RRAS2: variants seen among roughly 807,000 people sequenced by gnomAD.
RRAS2 encodes the protein RAS related 2.
In RRAS2, 7 loss-of-function variants were observed where a neutral mutation model predicts 27.6. The ratio of observed to expected loss-of-function variants is 0.25; its 90% CI spans 0.14 to 0.48. RRAS2 has a LOEUF of 0.48. Among genes scored for constraint, RRAS2 ranks in the 20% least tolerant of loss-of-function variants. The pLI, the probability that RRAS2 is intolerant of heterozygous loss-of-function variation, is 0.99. For missense variants in RRAS2, 178 were observed against 256.2 expected, an observed-to-expected ratio of 0.69 and a Z score of 2.08; for synonymous variants, 86 against 90.9, an observed-to-expected ratio of 0.95 and a Z score of 0.31.
chr11:14,337,891 C>G (rs530641842), intron 1 of RRAS2, among the ~76,000 whole-genome samples: 1 of 152,114 alleles, frequency 6.6e-6, no homozygotes, highest in South Asian at 2.1e-4. Context: ...AAGGGCCACC[C>G]TAAAAGAATG....
intron 1 of RRAS2, among the ~76,000 whole-genome samples, chr11:14,341,092 C>A (rs921215387): frequency 6.6e-6 from 1 of 152,144 alleles, no homozygotes; most frequent in African/African-American, 2.4e-5. Context: ...AAAAGAGTGG[C>A]AGCACATTTT....
At chr11:14,344,759 A>T (rs1157434363) in intron 1 of RRAS2, among the ~76,000 whole-genome samples, 1 of 152,202 alleles carries the variant, frequency 6.6e-6, no homozygotes, top group Non-Finnish European at 1.5e-5. Context: ...TTAAGAAAGG[A>T]CTATCTTCTC....
intron 1 of RRAS2, among the ~76,000 whole-genome samples, chr11:14,341,477 A>G (rs1243313949): frequency 2.0e-5 from 3 of 152,204 alleles, no homozygotes; most frequent in African/African-American, 7.2e-5. Flanking sequence ...AGTAATTCTT[A>G]AAGCAAATCA....
intron 1 of RRAS2, among the ~76,000 whole-genome samples, chr11:14,320,908 T>C (rs1243417397): frequency 2.0e-5 from 3 of 152,186 alleles, no homozygotes; most frequent in Non-Finnish European, 2.9e-5. Flanking sequence ...TGGCTGGGCA[T>C]AGTGGCTCAC....
chr11:14,358,682 CGCGGCGGCCGCCCCGCCACAGGTA>C lies in RRAS2; in HGVS notation c.108+57_108+80del. 1 of 1,034,112 alleles carries C rather than the reference CGCGGCGGCCGCCCCGCCACAGGTA, an allele frequency of 9.7e-7. No homozygotes were observed. The highest frequency in any genetic ancestry group is 1.7e-5 in the African/African-American group (1 of 58,012). 64.1% of individuals were successfully genotyped at this position (1,034,112 alleles called of 1,614,324 possible). The stretch of plus-strand genomic sequence containing the variant: ...CCGCGAGGCGCCTCTGGGGCGAGGT[CGCGGCGGCCGCCCCGCCACAGGTA>C]GCGCCAGCCCCCGCCCGCCGCCGCT... On this transcript the variant is annotated intron_variant, in intron 1 of 5. Coordinates refer to ENST00000256196, the MANE Select transcript of RRAS2 (RefSeq NM_012250.6). The surrounding 1 kb of genome is among the most constrained non-coding windows in gnomAD (Gnocchi z 5.1).
intron 1 of RRAS2, among the ~76,000 whole-genome samples, chr11:14,323,938 T>C (rs782453731): frequency 3.4e-5 from 5 of 148,968 alleles, no homozygotes; most frequent in Non-Finnish European, 7.4e-5. Flanking sequence ...AAAAACACTA[T>C]AAGAGATATG....
At chr11:14,326,401 TAAAA>T (rs1253877664) in intron 1 of RRAS2, among the ~76,000 whole-genome samples, 3 of 152,224 alleles carry the variant, frequency 2.0e-5, no homozygotes, top group African/African-American at 7.2e-5. Context: ...TTATTTTAAA[TAAAA>T]AGTTATCACA....
At chr11:14,304,064 G>T (rs1554947757) in intron 1 of RRAS2, among the ~76,000 whole-genome samples, 1 of 152,150 alleles carries the variant, frequency 6.6e-6, no homozygotes, top group Non-Finnish European at 1.5e-5. Context: ...CCAGCAGCCT[G>T]AGGAAACACT....
At chr11:14,326,497 A>G (rs949767325) in intron 1 of RRAS2, among the ~76,000 whole-genome samples, 15 of 152,244 alleles carry the variant, frequency 9.9e-5, no homozygotes, top group Non-Finnish European at 1.9e-4. Flanking sequence ...AAGTTTTAGA[A>G]AAGATTGTAA....
chr11:14,327,581 ACC>A (rs1162709719), intron 1 of RRAS2, among the ~76,000 whole-genome samples: 4 of 152,048 alleles, frequency 2.6e-5, no homozygotes, highest in African/African-American at 9.7e-5. Context: ...ATCTTTCTCT[ACC>A]CCCCTTTCTC....
intron 1 of RRAS2, among the ~76,000 whole-genome samples, chr11:14,334,212 A>G (rs1324012386): frequency 4.6e-5 from 7 of 152,212 alleles, no homozygotes; most frequent in Non-Finnish European, 8.8e-5. Flanking sequence ...CCATAACTTT[A>G]CCTATAACAG....
intron 1 of RRAS2, among the ~76,000 whole-genome samples, chr11:14,321,991 T>G (rs1350980502): frequency 6.6e-6 from 1 of 152,166 alleles, no homozygotes; most frequent in African/African-American, 2.4e-5. Flanking sequence ...AATAAATCTA[T>G]TGACTATATA....
At chr11:14,348,960 C>T (rs1848893230) in intron 1 of RRAS2, among the ~76,000 whole-genome samples, 1 of 152,032 alleles carries the variant, frequency 6.6e-6, no homozygotes, top group East Asian at 1.9e-4. Context: ...TATCTACATA[C>T]TTCTTTTTTT....
At chr11:14,291,597 C>T (rs1012569053) in intron 4 of RRAS2, among the ~76,000 whole-genome samples, 6 of 151,994 alleles carry the variant, frequency 3.9e-5, no homozygotes, top group African/African-American at 9.7e-5. Flanking sequence ...GCTAACACTA[C>T]GTATCTTTAG....
intron 1 of RRAS2, among the ~76,000 whole-genome samples, chr11:14,356,979 G>A (rs918870397): frequency 1.3e-5 from 2 of 151,682 alleles, no homozygotes; most frequent in Admixed American, 1.3e-4. Flanking sequence ...GTAGAGACGG[G>A]GTTTCACTAT....
intron 1 of RRAS2, among the ~76,000 whole-genome samples, chr11:14,354,679 T>TTC (rs2134042592): frequency 6.8e-6 from 1 of 146,426 alleles, no homozygotes; most frequent in East Asian, 2.0e-4. Flanking sequence ...TTTCTTTTTT[T>TTC]TTTTTTTTTT....
chr11:14,325,570 A>G (rs1195896114), intron 1 of RRAS2, among the ~76,000 whole-genome samples: 1 of 152,172 alleles, frequency 6.6e-6, no homozygotes, highest in Non-Finnish European at 1.5e-5. Flanking sequence ...AAGTGCTGGG[A>G]TTACAGGCGT....
At chr11:14,302,570 A>C (rs1416527418) in intron 1 of RRAS2, among the ~76,000 whole-genome samples, 1 of 152,230 alleles carries the variant, frequency 6.6e-6, no homozygotes, top group East Asian at 1.9e-4. Flanking sequence ...TCCAATGCCC[A>C]CTTCAGATGT....
Position 14,359,022 on chromosome 11 carries a change from GC to G in RRAS2, c.-153del. ...GGAGGCGTCTGGAGGGCCGGTCAGC[GC>G]GGTAGCGCGGCGCTGGGGACTGGCT... On this transcript the variant is annotated 5_prime_UTR_variant, in exon 1 of 6. Coordinates refer to ENST00000256196, the MANE Select transcript of RRAS2 (RefSeq NM_012250.6). The G allele has an allele frequency of 8.9e-7, 1 of 1,129,770 alleles. No homozygotes were observed. Among genetic ancestry groups the G allele is most frequent in the Non-Finnish European group, 1.1e-6 (1 of 923,386 alleles). 70.0% of individuals were successfully genotyped at this position (1,129,770 alleles called of 1,614,324 possible).
Sources: gnomAD v4.1 joint callset for allele counts (sites outside exome capture counted in the v4.1 genomes callset) on GRCh38, gnomAD v4.1.1 for gene constraint, Gnocchi (gnomAD v3.1) non-coding constraint, MANE v1.5 for transcripts, NCBI Gene and HGNC (gene_info 2026-07-23, HGNC 2026-07-21) for gene names.